The following XPNPEP1 variants were observed in gnomAD, a reference collection of about 807,000 sequenced individuals.
XPNPEP1 encodes the protein X-prolyl aminopeptidase 1, also known as xaa-Pro aminopeptidase 1.
XPNPEP1 carries 39 observed loss-of-function variants against 92.4 expected under a neutral mutation model. That is an observed-to-expected ratio of 0.42 (90% CI 0.33 to 0.55). The LOEUF is 0.55. Ranked by LOEUF, XPNPEP1 falls within the 20% of genes least tolerant of loss-of-function variation. The probability of loss-of-function intolerance (pLI) is 0.08; values close to 1 mark genes in which losing one functional copy is unlikely to be tolerated. For missense variants in XPNPEP1, 654 were observed against 856.1 expected (o/e 0.76, Z 2.95); for synonymous variants, 307 against 299.4 (o/e 1.03, Z -0.26).
At chr10:109,909,188 G>A (rs546449921) in intron 2 of XPNPEP1, among the ~76,000 whole-genome samples, 7 of 152,134 alleles carry the variant, frequency 4.6e-5, no homozygotes, top group Admixed American at 1.3e-4. Flanking sequence ...GGAGAATGGC[G>A]TGAACCCGGG....
rs1848720300 is a variant in XPNPEP1 at position 109,891,831 on chromosome 10, A to G, written c.311-5T>C. 8 of 1,611,536 alleles carry G rather than the reference A, an allele frequency of 5.0e-6. No individual in the cohort carries two copies. In the East Asian group the frequency reaches 1.8e-4, roughly 36 times the overall value. The stretch of plus-strand genomic sequence containing the variant: ...CTTCTGTGATGATGGCTGTGCCTGA[A>G]GCAGGGGAGAAAAAAAAAAGAAGAA... On this transcript the variant is annotated splice_region_variant and splice_polypyrimidine_tract_variant and intron_variant, in intron 4 of 20. Coordinates refer to ENST00000502935, the MANE Select transcript of XPNPEP1 (RefSeq NM_020383.4).
At chr10:109,910,107 C>G (rs1023851046) in intron 2 of XPNPEP1, among the ~76,000 whole-genome samples, 5 of 152,184 alleles carry the variant, frequency 3.3e-5, no homozygotes, top group Non-Finnish European at 7.3e-5. Flanking sequence ...CACATGCAGC[C>G]TATTCATTCC....
Position 109,892,690 on chromosome 10 carries a change from G to A in XPNPEP1, c.310+322C>T, listed in dbSNP as rs1037395239. The A allele has an allele frequency of 2.4e-5, 6 of 245,260 alleles. No individual in the cohort carries two copies. In the East Asian group the frequency reaches 5.2e-4, roughly 21 times the overall value. 15.2% of individuals were successfully genotyped at this position (245,260 alleles called of 1,614,324 possible). On this transcript the variant is annotated intron_variant, in intron 4 of 20. Coordinates refer to ENST00000502935, the MANE Select transcript of XPNPEP1 (RefSeq NM_020383.4). ...TAAAGTCTCATTTCTTATTTGGGGT[G>A]CTAGTAACACAGGTATATTCAGTTT...
intron 12 of XPNPEP1, among the ~76,000 whole-genome samples, chr10:109,879,042 A>G (rs1847937523): frequency 6.6e-6 from 1 of 151,230 alleles, no homozygotes; most frequent in Non-Finnish European, 1.5e-5. Flanking sequence ...GGAGATCGAG[A>G]CCATCCTGGC....
intron 13 of XPNPEP1, 61 bp downstream of exon 13, chr10:109,877,939 C>T: frequency 1.2e-6 from 2 of 1,614,188 alleles, no homozygotes; most frequent in Non-Finnish European, 1.7e-6. Context: ...CCCTTCCAGC[C>T]TCATTCAACT....
Position 109,870,758 on chromosome 10 carries a change from A to G in XPNPEP1, c.1669T>C (p.Leu557=), listed in dbSNP as rs911623653. The change falls in exon 18 of 21, where the codon TTG becomes CTG. Residue 557 remains leucine (L), a synonymous_variant. Coordinates refer to ENST00000502935, the MANE Select transcript of XPNPEP1 (RefSeq NM_020383.4). Reference sequence around the variant, plus strand: ...TCAGTGACAATCATGCCTGCCTCCAAGGGCTCATCAGAGAATGTTTTGTAA... The same window carrying G: ...TCAGTGACAATCATGCCTGCCTCCAGGGGCTCATCAGAGAATGTTTTGTAA... The part of the protein sequence containing the change: ...ISYKTFSDEP[L]EAGMIVTDEP... The G allele has an allele frequency of 5.6e-6, 9 of 1,614,162 alleles. No individual in the cohort carries two copies. Among genetic ancestry groups the G allele is most frequent in the Non-Finnish European group, 7.6e-6 (9 of 1,180,016 alleles).
rs763353960 is a variant in XPNPEP1 at position 109,865,310 on chromosome 10, G to A, written c.1875C>T (p.Cys625=). The A allele has an allele frequency of 4.0e-5, 64 of 1,613,954 alleles. No individual in the cohort carries two copies. The highest frequency in any genetic ancestry group is 5.2e-5 in the Non-Finnish European group (61 of 1,180,024). The stretch of plus-strand genomic sequence containing the variant: ...TCAGGTGGTAATTGTTGAGCCAGTC[G>A]CACTGCAGGGAAGAGAAGGACAGAC... The part of the protein sequence containing the change: ...IDVDSLTDKE[C]DWLNNYHLTC... The change falls in exon 21 of 21, where the codon TGC becomes TGT. Residue 625 remains cysteine (C), a splice_region_variant and synonymous_variant. Transcript: ENST00000502935.
At chr10:109,872,218 T>C (rs1847526441) in intron 16 of XPNPEP1, among the ~76,000 whole-genome samples, 1 of 152,244 alleles carries the variant, frequency 6.6e-6, no homozygotes, top group Non-Finnish European at 1.5e-5. Flanking sequence ...CGCACTATTC[T>C]AAGCACTGTA....
At chr10:109,888,296 A>G in intron 6 of XPNPEP1, 104 bp from the exon 7 acceptor site, 10 of 1,476,716 alleles carry the variant, frequency 6.8e-6, no homozygotes, top group Non-Finnish European at 9.0e-6. Flanking sequence ...TGGTCCTGCC[A>G]TGGCCCAGAG....
chr10:109,872,881 T>C (rs1847565633), intron 16 of XPNPEP1, among the ~76,000 whole-genome samples: 1 of 152,210 alleles, frequency 6.6e-6, no homozygotes, highest in Admixed American at 6.5e-5. Context: ...TCCAGACCCC[T>C]AGTACACATC....
At chr10:109,873,713 A>G (rs1847616544) in intron 15 of XPNPEP1, 2 of 437,412 alleles carry the variant, frequency 4.6e-6, no homozygotes, top group Admixed American at 3.6e-5. Context: ...TAATAGCCAG[A>G]AGATGGAAAC....
At chr10:109,921,833 A>AGAT (rs1850559395) in intron 1 of XPNPEP1, among the ~76,000 whole-genome samples, 1 of 152,230 alleles carries the variant, frequency 6.6e-6, no homozygotes, top group Admixed American at 6.5e-5. Context: ...ATTGGTTCAC[A>AGAT]GATGAACATG....
At chr10:109,888,266 G>C in intron 6 of XPNPEP1, 74 bp from the exon 7 acceptor site, 1 of 1,544,492 alleles carries the variant, frequency 6.5e-7, no homozygotes, top group Non-Finnish European at 8.7e-7. Flanking sequence ...GGCCTTGAAA[G>C]TCCAGAACCT....
At chr10:109,875,212 G>A (rs964705460) in intron 15 of XPNPEP1, among the ~76,000 whole-genome samples, 1 of 152,192 alleles carries the variant, frequency 6.6e-6, no homozygotes, top group East Asian at 1.9e-4. Flanking sequence ...GAACCGGCAG[G>A]CGGTTCATGG....
chr10:109,885,496 T>C (rs988781462), intron 8 of XPNPEP1, among the ~76,000 whole-genome samples: 4 of 152,224 alleles, frequency 2.6e-5, no homozygotes, highest in South Asian at 4.1e-4. Flanking sequence ...TTCTCTGACG[T>C]TGAGATCATT....
chr10:109,918,593 C>A (rs187058425), intron 1 of XPNPEP1, among the ~76,000 whole-genome samples: 3 of 152,036 alleles, frequency 2.0e-5, no homozygotes, highest in Admixed American at 2.0e-4. Flanking sequence ...AACCCTGTCT[C>A]TACTAAAAAT....
chr10:109,923,357 G>A, intron 1 of XPNPEP1, 45 bp downstream of exon 1: 1 of 1,422,070 alleles, frequency 7.0e-7, no homozygotes, highest in African/African-American at 1.5e-5. Flanking sequence ...GCGCAGCGAG[G>A]GCTGCACGCT....
chr10:109,869,888 T>G, intron 19 of XPNPEP1, 65 bp downstream of exon 19: 30 of 1,519,052 alleles, frequency 2.0e-5, no homozygotes, highest in South Asian at 3.4e-5. Context: ...TTGTAGCCAA[T>G]GAGGTCTATC....
At chr10:109,884,015 AGGGCTCTGAG>A in intron 9 of XPNPEP1, 42 bp downstream of exon 9, 1 of 1,565,182 alleles carries the variant, frequency 6.4e-7, no homozygotes. Context: ...AGGGCACACT[AGGGCTCTGAG>A]GAGCTCTGGA....
Sources: allele counts gnomAD v4.1 joint callset (sites outside exome capture counted in the v4.1 genomes callset), GRCh38; gene constraint gnomAD v4.1.1; transcripts MANE v1.5; gene names NCBI Gene and HGNC (gene_info 2026-07-23, HGNC 2026-07-21).